The following NDUFV3 variants were observed in gnomAD, a reference collection of about 807,000 sequenced individuals.
The protein encoded by NDUFV3 is NADH:ubiquinone oxidoreductase subunit V3.
Under a neutral mutation model 37.5 loss-of-function variants are expected in NDUFV3, and 44 were observed. That is an observed-to-expected ratio of 1.17 (90% CI 0.92 to 1.51). The LOEUF is 1.51. Among genes scored for constraint, NDUFV3 ranks in the 40% most tolerant of loss-of-function variants. The pLI, the probability that NDUFV3 is intolerant of heterozygous loss-of-function variation, is 0.00. For synonymous variants in NDUFV3, 235 were observed against 239.3 expected, an observed-to-expected ratio of 0.98 and a Z score of 0.17; for missense variants, 580 against 580.4, an observed-to-expected ratio of 1.00 and a Z score of 0.01.
chr21:42,896,402 C>T (rs796276343), intron 1 of NDUFV3, among the ~76,000 whole-genome samples: 15 of 152,082 alleles, frequency 9.9e-5, no homozygotes, highest in African/African-American at 2.6e-4. Context: ...ATGATCCACA[C>T]GCCTCGGCCT....
intron 2 of NDUFV3, among the ~76,000 whole-genome samples, chr21:42,899,554 C>T (rs1057035392): frequency 2.6e-5 from 4 of 152,220 alleles, no homozygotes; most frequent in African/African-American, 9.6e-5. Flanking sequence ...AAGCCATTCT[C>T]CTGCCCCATC....
At chr21:42,907,213 GTGT>G (rs1400013882) in intron 3 of NDUFV3, among the ~76,000 whole-genome samples, 1 of 152,180 alleles carries the variant, frequency 6.6e-6, no homozygotes, top group Non-Finnish European at 1.5e-5. Context: ...TTTAAATGCT[GTGT>G]TGTTGTTATT....
chr21:42,902,495 C>G (rs573494636), intron 2 of NDUFV3, among the ~76,000 whole-genome samples: 1 of 152,150 alleles, frequency 6.6e-6, no homozygotes, highest in East Asian at 1.9e-4. Context: ...AAGGCCATGC[C>G]CTCACTTTTC....
chr21:42,902,076 C>T (rs1319671292), intron 2 of NDUFV3, among the ~76,000 whole-genome samples: 2 of 152,018 alleles, frequency 1.3e-5, no homozygotes, highest in African/African-American at 2.4e-5. Flanking sequence ...GGTGTGGTGG[C>T]GCATGCCTGT....
At chr21:42,894,848 TACAG>T (rs2146145820) in intron 1 of NDUFV3, among the ~76,000 whole-genome samples, 1 of 152,112 alleles carries the variant, frequency 6.6e-6, no homozygotes, top group East Asian at 1.9e-4. Flanking sequence ...TATGTGCACA[TACAG>T]GCACCTCTGT....
chr21:42,908,307 C>CAA (rs796636310), intron 3 of NDUFV3, among the ~76,000 whole-genome samples: 10 of 140,280 alleles, frequency 7.1e-5, no homozygotes, highest in African/African-American at 2.6e-4. Flanking sequence ...GACTCCATCT[C>CAA]AAAAAAAAAA....
intron 1 of NDUFV3, 97 bp downstream of exon 1, chr21:42,893,478 G>A (rs2058666878): frequency 1.5e-6 from 2 of 1,371,086 alleles, no homozygotes; most frequent in Non-Finnish European, 2.0e-6. Context: ...GGGCCTGTCC[G>A]CGACCTCTAG....
At chr21:42,902,133 G>C (rs1436213074) in intron 2 of NDUFV3, among the ~76,000 whole-genome samples, 1 of 152,096 alleles carries the variant, frequency 6.6e-6, no homozygotes, top group Admixed American at 6.6e-5. Flanking sequence ...GCTTGAACCT[G>C]GGAGGCAGAG....
At chr21:42,894,471 T>TA (rs1341836115) in intron 1 of NDUFV3, among the ~76,000 whole-genome samples, 130 of 69,240 alleles carry the variant, frequency 1.9e-3, no homozygotes, top group African/African-American at 9.2e-3. Flanking sequence ...TATAAATATA[T>TA]ATTATATATT....
chr21:42,903,036 C>T, intron 2 of NDUFV3, 146 bp from the exon 3 acceptor site: 1 of 1,141,716 alleles, frequency 8.8e-7, no homozygotes. Flanking sequence ...CAGTTGGTTG[C>T]TTGGTGGGTT....
rs1214432280 is a variant in NDUFV3 at position 42,893,330 on chromosome 21, C to G, written c.-4C>G. The G allele has an allele frequency of 1.4e-5, 21 of 1,538,092 alleles. No individual in the cohort carries two copies. The highest frequency in any genetic ancestry group is 7.9e-5 in the Admixed American group (4 of 50,954). On this transcript the variant is annotated 5_prime_UTR_variant, in exon 1 of 4. Transcript: ENST00000354250. ...CCCTGCTTGGTGCGCCCGCTGTCAC[C>G]GCCATGGCTGCCCCGTGTTTGCTGC...
intron 2 of NDUFV3, among the ~76,000 whole-genome samples, chr21:42,898,834 C>G (rs1375465871): frequency 6.6e-6 from 1 of 152,238 alleles, no homozygotes; most frequent in Non-Finnish European, 1.5e-5. Flanking sequence ...AATTTCATTG[C>G]TAACATTATC....
At chr21:42,901,076 T>G (rs1225522133) in intron 2 of NDUFV3, among the ~76,000 whole-genome samples, 3 of 152,088 alleles carry the variant, frequency 2.0e-5, no homozygotes, top group Non-Finnish European at 2.9e-5. Flanking sequence ...TTGTTTCAGT[T>G]TTAAAAGTAA....
At position 42,904,015 on chromosome 21, in the gene NDUFV3, G is replaced by A. The variant is rs1568859916; in HGVS notation, c.1003G>A (p.Glu335Lys). ...TCCTGGGGCGGCAGAGGGGCATCTGGAAAAACCCGTGCCAGAGCCCCAGCG... is the reference window on the plus strand; with the variant it reads ...TCCTGGGGCGGCAGAGGGGCATCTGAAAAAACCCGTGCCAGAGCCCCAGCG... ...SPPGAAEGHL[E>K]KPVPEPQRKA... The change falls in exon 3 of 4, where the codon GAA becomes AAA. Residue 335 changes from glutamate to lysine, a missense_variant. By Grantham distance (56) the Glu-to-Lys change is moderately conservative (BLOSUM62 1). Coordinates refer to ENST00000354250, the MANE Select transcript of NDUFV3 (RefSeq NM_021075.4). The A allele has an allele frequency of 6.2e-7, 1 of 1,614,126 alleles. No homozygotes were observed. The highest frequency in any genetic ancestry group is 2.2e-5 in the East Asian group (1 of 44,882).
intron 3 of NDUFV3, among the ~76,000 whole-genome samples, chr21:42,904,491 C>CTTTT (rs11321406): frequency 4.0e-5 from 5 of 125,864 alleles, no homozygotes; most frequent in African/African-American, 6.1e-5. Context: ...ATTTAACGTT[C>CTTTT]TTTTTTTTTT....
chr21:42,907,559 T>G (rs1353221983), intron 3 of NDUFV3, among the ~76,000 whole-genome samples: 2 of 152,058 alleles, frequency 1.3e-5, no homozygotes, highest in African/African-American at 4.8e-5. Flanking sequence ...CAAGCAATTC[T>G]TGTGCCTCAG....
At chr21:42,906,886 G>A (rs1333976170) in intron 3 of NDUFV3, 1 of 518,874 alleles carries the variant, frequency 1.9e-6, no homozygotes, top group South Asian at 1.4e-5. Flanking sequence ...GAGATTGGAA[G>A]GATGCCAGCT....
chr21:42,893,356 G>C lies in NDUFV3; in HGVS notation c.23G>C (p.Arg8Pro). ...GCCATGGCTGCCCCGTGTTTGCTGC[G>C]GCAAGGACGAGCCGGGGCGCTGAAG... MAAPCLL[R>P]QGRAGALKTM... The change falls in exon 1 of 4, where the codon CGG (arginine) becomes CCG (proline). Residue 8 changes from arginine to proline, a missense_variant. Coordinates refer to ENST00000354250, the MANE Select transcript of NDUFV3 (RefSeq NM_021075.4). 1 of 1,538,330 alleles carries C rather than the reference G, an allele frequency of 6.5e-7. No individual in the cohort carries two copies. Among genetic ancestry groups the C allele is most frequent in the Non-Finnish European group, 8.7e-7 (1 of 1,146,414 alleles).
In NDUFV3 at chr21:42,904,170, G is replaced by C. The variant is rs2091360936; in HGVS notation, c.1158G>C (p.Glu386Asp). ...GCAATTTGGAGACAGTTCCTGTTGA[G>C]AATAACCACGGTTTCCATGAAAAGA... ...PPSNLETVPV[E>D]NNHGFHEKTA... is the part of the protein sequence containing the mutation. The change falls in exon 3 of 4, where the codon GAG becomes GAC. Residue 386 changes from glutamate to aspartate, a missense_variant. By Grantham distance (45) the Glu-to-Asp change is conservative. Coordinates refer to ENST00000354250, the MANE Select transcript of NDUFV3 (RefSeq NM_021075.4). The C allele has an allele frequency of 6.2e-7, 1 of 1,614,228 alleles. No homozygotes were observed. The highest frequency in any genetic ancestry group is 8.5e-7 in the Non-Finnish European group (1 of 1,180,046).
Sources: allele counts gnomAD v4.1 joint callset (sites outside exome capture counted in the v4.1 genomes callset), GRCh38; gene constraint gnomAD v4.1.1; transcripts MANE v1.5; gene names NCBI Gene and HGNC (gene_info 2026-07-23, HGNC 2026-07-21).